The following RPGRIP1L variants were observed in gnomAD, a reference collection of about 807,000 sequenced individuals.
RPGRIP1L encodes protein fantom.
RPGRIP1L carries 131 observed loss-of-function variants against 160.4 expected under a neutral mutation model. The observed-to-expected ratio is 0.82, with a 90% CI of 0.71 to 0.94. RPGRIP1L has a LOEUF of 0.94. Among genes scored for constraint, RPGRIP1L ranks in the 40% least tolerant of loss-of-function variants. RPGRIP1L has a pLI of 0.00. For missense variants in RPGRIP1L, 1,522 were observed against 1,535.8 expected, an observed-to-expected ratio of 0.99 and a Z score of 0.15; for synonymous variants, 510 against 515.8, an observed-to-expected ratio of 0.99 and a Z score of 0.15.
At chr16:53,697,101 G>T (rs2151383759) in intron 2 of RPGRIP1L, among the ~76,000 whole-genome samples, 1 of 152,092 alleles carries the variant, frequency 6.6e-6, no homozygotes, top group Non-Finnish European at 1.5e-5. Context: ...GGCTAAGTCT[G>T]GACAATCGCC....
At chr16:53,618,004 T>C (rs771548851) in intron 24 of RPGRIP1L, among the ~76,000 whole-genome samples, 1 of 152,210 alleles carries the variant, frequency 6.6e-6, no homozygotes, top group Non-Finnish European at 1.5e-5. Flanking sequence ...TACTAAGCTG[T>C]TTTAGCTTAG....
At chr16:53,658,575 TAACA>T in intron 11 of RPGRIP1L, 111 bp from the exon 12 acceptor site, 1 of 946,684 alleles carries the variant, frequency 1.1e-6, no homozygotes, top group South Asian at 1.4e-5. Flanking sequence ...TGCCATGAAC[TAACA>T]AACTAAGTCT....
At chr16:53,699,855 A>T (rs1287634354) in intron 2 of RPGRIP1L, among the ~76,000 whole-genome samples, 1 of 152,070 alleles carries the variant, frequency 6.6e-6, no homozygotes, top group African/African-American at 2.4e-5. Context: ...TGTGTAGCCA[A>T]ATTTTATCTT....
rs76298476 is a variant in RPGRIP1L at position 53,661,872 on chromosome 16, T to G, written c.1244-2994A>C. Reference sequence around the variant, plus strand: ...ATAACTTAGTGTGAGAAGACATTACTGAGTACCTGTAACTTACCTTCTACT... The same window carrying G: ...ATAACTTAGTGTGAGAAGACATTACGGAGTACCTGTAACTTACCTTCTACT... On this transcript the variant is annotated intron_variant, in intron 10 of 26. Coordinates refer to ENST00000647211, the MANE Select transcript of RPGRIP1L (RefSeq NM_015272.5). Among the ~76,000 whole-genome samples the G allele has an allele frequency of 2.2e-3, 342 of 152,324 alleles. 9 individuals are homozygous for G. The East Asian group carries it at 0.055, about 24-fold the overall frequency.
intron 26 of RPGRIP1L, among the ~76,000 whole-genome samples, chr16:53,603,117 A>C (rs1963468510): frequency 6.6e-6 from 1 of 152,078 alleles, no homozygotes; most frequent in Non-Finnish European, 1.5e-5. Context: ...TTAGGATTAG[A>C]GGCCTGAGCC....
At position 53,660,565 on chromosome 16, in the gene RPGRIP1L, A is replaced by T. The variant is rs566790977; in HGVS notation, c.1244-1687T>A. On this transcript the variant is annotated intron_variant, in intron 10 of 26. Transcript: ENST00000647211. ...CTAAAAAGTAAAAAAATAAAAAAAT[A>T]AAAAAAAAAAACCTGTGATCCTAGG... Among the ~76,000 whole-genome samples the T allele has an allele frequency of 8.4e-5, 11 of 130,236 alleles. No homozygotes were observed. In the South Asian group the frequency reaches 1.3e-3, roughly 15 times the overall value. 85.4% of individuals were successfully genotyped at this position (130,236 alleles called of 152,430 possible).
intron 9 of RPGRIP1L, among the ~76,000 whole-genome samples, chr16:53,666,522 T>C (rs546526315): frequency 6.6e-5 from 10 of 151,964 alleles, no homozygotes; most frequent in South Asian, 2.1e-4. Flanking sequence ...CCAAATTGTA[T>C]ATATCAAACA....
At position 53,638,409 on chromosome 16, in the gene RPGRIP1L, C is replaced by T. The variant is rs762752860; in HGVS notation, c.2961G>A (p.Glu987=). 2 of 1,499,954 alleles carry T rather than the reference C, an allele frequency of 1.3e-6. No homozygotes were observed. The highest frequency in any genetic ancestry group is 2.3e-5 in the East Asian group (1 of 44,136). 92.9% of individuals were successfully genotyped at this position (1,499,954 alleles called of 1,614,324 possible). ...FVDIMPHQSD[E]TSPPPEDRKE... is the part of the protein sequence containing the mutation. ...TCCTATCTTCAGGAGGAGGAGAAGT[C>T]TCCTTATATTAATGTGAAAACACGC... The change falls in exon 20 of 27, where the codon GAG becomes GAA. Residue 987 remains glutamate, a splice_region_variant and synonymous_variant. Coordinates refer to ENST00000647211, the MANE Select transcript of RPGRIP1L (RefSeq NM_015272.5).
rs771458105 is a variant in RPGRIP1L at position 53,696,250 on chromosome 16, C to T, written c.131G>A (p.Arg44His). 6.2e-6 allele frequency: 10 copies of T among 1,613,946 alleles called. No individual in the cohort carries two copies. The highest frequency in any genetic ancestry group is 5.0e-5 in the Admixed American group (3 of 60,004). Reference sequence around the variant, plus strand: ...GTCTTCCAGTTCCTCACGACTGACACGTGACACTGCCTGGCGAGACTTCAT... The same window carrying T: ...GTCTTCCAGTTCCTCACGACTGACATGTGACACTGCCTGGCGAGACTTCAT... ...RTMKSRQAVS[R>H]VSREELEDRF... The change falls in exon 3 of 27, where the codon CGT (arginine) becomes CAT (histidine). Residue 44 changes from arginine (R) to histidine (H), a missense_variant. Physicochemically the swap from Arg to His is conservative, Grantham distance 29 (BLOSUM62 0). Transcript: ENST00000647211.
chr16:53,606,059 T>C (rs545488716), intron 25 of RPGRIP1L, among the ~76,000 whole-genome samples: 1 of 152,362 alleles, frequency 6.6e-6, no homozygotes, highest in African/African-American at 2.4e-5. Context: ...CTAAGGAATT[T>C]AACAAAACTG....
At chr16:53,644,907 A>G (rs960849599) in intron 17 of RPGRIP1L, among the ~76,000 whole-genome samples, 2 of 152,320 alleles carry the variant, frequency 1.3e-5, no homozygotes, top group Middle Eastern at 3.4e-3. Context: ...AGAGACCAAT[A>G]AAGGTAATTA....
At chr16:53,700,353 T>C (rs113951461) in intron 2 of RPGRIP1L, among the ~76,000 whole-genome samples, 3 of 152,372 alleles carry the variant, frequency 2.0e-5, no homozygotes, top group Non-Finnish European at 2.9e-5. Context: ...GGAGGCTTGA[T>C]ACTCTCTATG....
intron 9 of RPGRIP1L, 60 bp from the exon 10 acceptor site, chr16:53,665,069 A>G: frequency 1.9e-6 from 3 of 1,602,386 alleles, no homozygotes; most frequent in Non-Finnish European, 1.7e-6. Context: ...CGAAAATAAT[A>G]AAGAGAAAAG....
At chr16:53,702,142 G>A (rs1388202048) in intron 1 of RPGRIP1L, among the ~76,000 whole-genome samples, 2 of 152,198 alleles carry the variant, frequency 1.3e-5, no homozygotes, top group African/African-American at 4.8e-5. Context: ...ACTGTTCTAA[G>A]TGTTCTGTTA....
chr16:53,692,723 A>T (rs969325207), intron 3 of RPGRIP1L, among the ~76,000 whole-genome samples: 2 of 152,230 alleles, frequency 1.3e-5, no homozygotes, highest in African/African-American at 4.8e-5. Flanking sequence ...GTGGTGGGTT[A>T]TATCTGCAAT....
At chr16:53,657,712 AAAT>A (rs1213136826) in intron 12 of RPGRIP1L, 80 bp from the exon 13 acceptor site, 1 of 777,816 alleles carries the variant, frequency 1.3e-6, no homozygotes, top group Non-Finnish European at 2.1e-6. Flanking sequence ...ATGTATCAAT[AAAT>A]AATTCATTGA....
intron 6 of RPGRIP1L, among the ~76,000 whole-genome samples, chr16:53,682,142 A>G (rs567473446): frequency 6.6e-6 from 1 of 152,308 alleles, no homozygotes; most frequent in Non-Finnish European, 1.5e-5. Flanking sequence ...TTCAAGCAAC[A>G]ATATGCTATT....
intron 4 of RPGRIP1L, among the ~76,000 whole-genome samples, chr16:53,690,476 G>GT (rs1475511209): frequency 1.3e-5 from 2 of 152,130 alleles, no homozygotes; most frequent in Non-Finnish European, 2.9e-5. Context: ...GATTATAGGC[G>GT]TGAGTCACTG....
chr16:53,686,924 G>A (rs1260526205), intron 5 of RPGRIP1L, among the ~76,000 whole-genome samples: 1 of 152,086 alleles, frequency 6.6e-6, no homozygotes, highest in Non-Finnish European at 1.5e-5. Flanking sequence ...ATGCACATCT[G>A]CTTATAACAC....
Sources: gnomAD v4.1 joint callset for allele counts (sites outside exome capture counted in the v4.1 genomes callset) on GRCh38, gnomAD v4.1.1 for gene constraint, MANE v1.5 for transcripts, NCBI Gene and HGNC (gene_info 2026-07-23, HGNC 2026-07-21) for gene names.